FAM53A: variants seen among roughly 807,000 people sequenced by gnomAD.
FAM53A encodes the protein protein FAM53A.
Under a neutral mutation model 26.6 loss-of-function variants are expected in FAM53A, and 28 were observed. That is an observed-to-expected ratio of 1.05 (90% CI 0.78 to 1.45). The LOEUF (loss-of-function observed/expected upper bound fraction) is 1.45, where lower values mean the gene tolerates loss of function less well. FAM53A is among the 40% of genes most tolerant of loss of function. FAM53A has a pLI of 0.00. For synonymous variants in FAM53A, 290 were observed against 253.1 expected, an observed-to-expected ratio of 1.15 and a Z score of -1.38; for missense variants, 650 against 575.8, an observed-to-expected ratio of 1.13 and a Z score of -1.32.
intron 4 of FAM53A, among the ~76,000 whole-genome samples, chr4:1,651,878 G>A (rs1712819798): frequency 1.3e-5 from 2 of 151,924 alleles, no homozygotes; most frequent in African/African-American, 2.4e-5. Flanking sequence ...AGTCCTAGGG[G>A]TCACGGCTCC....
intron 4 of FAM53A, among the ~76,000 whole-genome samples, chr4:1,641,880 C>T (rs1711752575): frequency 6.6e-6 from 1 of 152,160 alleles, no homozygotes; most frequent in Non-Finnish European, 1.5e-5. Context: ...CCTGGCCCTG[C>T]CCAGACCCAA....
At chr4:1,625,042 G>A (rs567548191) in intron 1 of FAM53A, among the ~76,000 whole-genome samples, 38 of 140,922 alleles carry the variant, frequency 2.7e-4, no homozygotes, top group African/African-American at 1.1e-3. Context: ...GTCACGCCAG[G>A]TGATCAGAAG....
At chr4:1,620,409 T>A (rs1001953068) in intron 1 of FAM53A, among the ~76,000 whole-genome samples, 2 of 151,906 alleles carry the variant, frequency 1.3e-5, no homozygotes, top group Non-Finnish European at 2.9e-5. Context: ...CCGGGAGTTG[T>A]TTCCACAGAG....
In FAM53A at chr4:1,641,432, C is replaced by T; in HGVS notation, c.1058G>A (p.Trp353Ter). ...LRTSPVHPNL[W>*]ASRESVTSDG... Reference sequence around the variant, plus strand: ...ACTGGTCACCGACTCCCTAGAGGCCCACAGGTTGGGGTGGACAGGGCTGGT... The same window carrying T: ...ACTGGTCACCGACTCCCTAGAGGCCTACAGGTTGGGGTGGACAGGGCTGGT... The change falls in exon 5 of 5, where the codon TGG becomes TAG. Residue 353 changes from tryptophan to a stop codon, truncating the protein, a stop_gained. Transcript: ENST00000308132. LOFTEE classifies it low-confidence loss of function (END_TRUNC). The T allele has an allele frequency of 1.9e-6, 3 of 1,613,168 alleles. No individual in the cohort carries two copies. The highest frequency in any genetic ancestry group is 2.5e-6 in the Non-Finnish European group (3 of 1,179,614).
At chr4:1,591,382 T>C in the FAM53A span, among the ~76,000 whole-genome samples, 61,667 of 151,872 alleles carry the variant, frequency 0.41, 12,908 homozygotes, top group Admixed American at 0.45. Context: ...CTCCGGGACC[T>C]GTGATGCACC....
intron 2 of FAM53A, among the ~76,000 whole-genome samples, chr4:1,668,366 C>A (rs1471802433): frequency 6.6e-6 from 1 of 152,220 alleles, no homozygotes; most frequent in African/African-American, 2.4e-5. Context: ...TTACGAACTC[C>A]TGACCTCAAG....
chr4:1,649,164 G>A (rs142868483), intron 4 of FAM53A, among the ~76,000 whole-genome samples: 2,707 of 78,070 alleles, frequency 0.035, 48 homozygotes, highest in Middle Eastern at 0.058. Flanking sequence ...GGAAAGGGAA[G>A]GGGAAAGGGA....
intron 1 of FAM53A, among the ~76,000 whole-genome samples, chr4:1,633,093 T>G (rs1039231016): frequency 3.9e-5 from 6 of 152,062 alleles, no homozygotes; most frequent in African/African-American, 1.4e-4. Context: ...TGCACACACA[T>G]AGCTTTACAC....
downstream of FAM53A, among the ~76,000 whole-genome samples, chr4:1,614,062 A>G (rs1714718774): frequency 6.6e-6 from 1 of 152,202 alleles, no homozygotes; most frequent in Non-Finnish European, 1.5e-5. Flanking sequence ...CCAGCCTCAC[A>G]GGAGTCAGAT....
chr4:1,597,047 G>T, the FAM53A span, among the ~76,000 whole-genome samples: 1 of 152,142 alleles, frequency 6.6e-6, no homozygotes, highest in African/African-American at 2.4e-5. Context: ...TCCGAGAGGG[G>T]ACAGGCAGCT....
chr4:1,589,561 T>C, the FAM53A span, among the ~76,000 whole-genome samples: 1 of 152,176 alleles, frequency 6.6e-6, no homozygotes. Context: ...TTATTTGTTT[T>C]CCATTTCAAT....
chr4:1,619,439 G>A (rs368937804), intron 1 of FAM53A, among the ~76,000 whole-genome samples: 13 of 152,208 alleles, frequency 8.5e-5, no homozygotes, highest in South Asian at 8.3e-4. Context: ...TGCCCAGCTC[G>A]GCGTCTCTGG....
chr4:1,628,934 A>G (rs2108768673), intron 1 of FAM53A, among the ~76,000 whole-genome samples: 1 of 151,906 alleles, frequency 6.6e-6, no homozygotes, highest in Admixed American at 6.5e-5. Context: ...GGGCCTTGGA[A>G]CACCTGAGTT....
chr4:1,626,302 G>T (rs1010850143), intron 1 of FAM53A, among the ~76,000 whole-genome samples: 3 of 152,204 alleles, frequency 2.0e-5, no homozygotes, highest in Admixed American at 6.5e-5. Flanking sequence ...GCCGTCACGA[G>T]CCGTCCACGT....
downstream of FAM53A, among the ~76,000 whole-genome samples, chr4:1,615,406 C>A (rs73795174): frequency 0.021 from 3,039 of 146,844 alleles, 139 homozygotes; most frequent in African/African-American, 0.077. Flanking sequence ...ACATCCACCC[C>A]ACCTGGGCAC....
At chr4:1,594,499 G>A in the FAM53A span, among the ~76,000 whole-genome samples, 1,145 of 152,278 alleles carry the variant, frequency 7.5e-3, 17 homozygotes, top group African/African-American at 0.026. Context: ...ATTATTTTGG[G>A]TTCTCTTCTC....
chr4:1,678,240 G>A (rs1458148829), intron 1 of FAM53A, among the ~76,000 whole-genome samples: 2 of 152,094 alleles, frequency 1.3e-5, no homozygotes, highest in Non-Finnish European at 2.9e-5. Context: ...CTACTTAGAA[G>A]GCAGAGGTGG....
intron 4 of FAM53A, among the ~76,000 whole-genome samples, chr4:1,648,073 G>T (rs975828102): frequency 4.6e-5 from 7 of 152,210 alleles, no homozygotes; most frequent in African/African-American, 1.7e-4. Flanking sequence ...GCTGGGCACA[G>T]GAGTGTGCAC....
At chr4:1,623,454 C>T (rs575796631) in intron 1 of FAM53A, among the ~76,000 whole-genome samples, 6 of 152,222 alleles carry the variant, frequency 3.9e-5, no homozygotes, top group Non-Finnish European at 7.3e-5. Context: ...ACCAGGCCCC[C>T]GGGCTCGCCA....
Sources: allele counts gnomAD v4.1 joint callset (sites outside exome capture counted in the v4.1 genomes callset), GRCh38; gene constraint gnomAD v4.1.1; transcripts MANE v1.5; gene names NCBI Gene and HGNC (gene_info 2026-07-23, HGNC 2026-07-21).